TBC1D30: variants seen among roughly 807,000 people sequenced by gnomAD.
The protein encoded by TBC1D30 is TBC1 domain family, member 30.
A neutral mutation model predicts 63.2 loss-of-function variants in TBC1D30; 31 were observed. The ratio of observed to expected loss-of-function variants is 0.49; its 90% confidence interval spans 0.37 to 0.66. The LOEUF is 0.66. Among genes scored for constraint, TBC1D30 ranks in the 30% least tolerant of loss-of-function variants. The pLI, the probability that TBC1D30 is intolerant of heterozygous loss-of-function variation, is 0.00. For missense variants in TBC1D30, 810 were observed against 953.6 expected (o/e 0.85, Z 1.98); for synonymous variants, 307 against 361.5 (o/e 0.85, Z 1.71).
intron 6 of TBC1D30, among the ~76,000 whole-genome samples, chr12:64,837,211 C>T (rs1279092044): frequency 6.6e-6 from 1 of 152,084 alleles, no homozygotes; most frequent in East Asian, 1.9e-4. Context: ...CCAGTGGTCC[C>T]CAACCTTTTT....
intron 2 of TBC1D30, among the ~76,000 whole-genome samples, chr12:64,802,444 T>G (rs1032799279): frequency 1.3e-5 from 2 of 152,138 alleles, no homozygotes; most frequent in African/African-American, 4.8e-5. Context: ...CTGGGACGAC[T>G]CTTCCTGCCC....
At chr12:64,866,742 T>G (rs1420859658) in intron 9 of TBC1D30, 22 bp from the exon 10 acceptor site, 1 of 1,531,202 alleles carries the variant, frequency 6.5e-7, no homozygotes, top group African/African-American at 1.4e-5. Context: ...ATATTTCTTT[T>G]TTGTCTTTTA....
intron 1 of TBC1D30, among the ~76,000 whole-genome samples, chr12:64,774,011 A>AT (rs759359335): frequency 1.8e-4 from 27 of 152,222 alleles, no homozygotes; most frequent in South Asian, 4.1e-4. Context: ...TTAAAGGAGG[A>AT]TATTGTAACC....
chr12:64,865,231 T>G (rs1296400100), intron 9 of TBC1D30, among the ~76,000 whole-genome samples: 1 of 146,842 alleles, frequency 6.8e-6, no homozygotes, highest in Admixed American at 6.9e-5. Context: ...GGAAAGAAAA[T>G]GAGAGTCAGA....
chr12:64,836,502 C>G lies in TBC1D30; in HGVS notation c.607C>G (p.Leu203Val), dbSNP rs151045605. ...TTTTTTTCTTTAGATTATGATTTAC[C>G]TTATTGATAAGGTACTTCCCGAAAG... ...EGDALKIMIY[L>V]IDKVLPESYF... is the part of the protein sequence containing the mutation. The change falls in exon 6 of 12, where the codon CTT becomes GTT. Residue 203 changes from leucine to valine, a missense_variant. By Grantham distance (32) the Leu-to-Val change is conservative (BLOSUM62 1). Around this residue, in one of 4 missense-constraint regions of TBC1D30, gnomAD observed 272 missense variants for 335.9 expected, o/e 0.81. Coordinates refer to ENST00000539867, the MANE Select transcript of TBC1D30 (RefSeq NM_015279.2). 51 of 1,535,008 alleles carry G rather than the reference C, an allele frequency of 3.3e-5. No homozygotes were observed. The highest frequency in any genetic ancestry group is 4.3e-5 in the Non-Finnish European group (49 of 1,146,298).
upstream of TBC1D30, chr12:64,779,388 T>C (rs1375975153): frequency 2.0e-5 from 3 of 152,138 alleles, no homozygotes; most frequent in Non-Finnish European, 4.4e-5. Flanking sequence ...ATGGTAACAA[T>C]AGTCATTAAT....
intron 8 of TBC1D30, 21 bp downstream of exon 8, chr12:64,843,506 A>G: frequency 6.5e-7 from 1 of 1,531,098 alleles, no homozygotes. Context: ...AACATGGAGC[A>G]GCTTGGCTCG....
At chr12:64,787,370 C>T in intron 2 of TBC1D30, 6 of 985,390 alleles carry the variant, frequency 6.1e-6, no homozygotes, top group Non-Finnish European at 7.2e-6. Context: ...CATGGCAGAA[C>T]AGTATGCTCA....
chr12:64,774,270 G>A (rs879437622), intron 1 of TBC1D30, among the ~76,000 whole-genome samples: 7 of 152,154 alleles, frequency 4.6e-5, no homozygotes, highest in African/African-American at 9.7e-5. Flanking sequence ...TGAACAAAAC[G>A]TCTGAGAAAT....
chr12:64,809,739 T>C (rs1460000540), intron 2 of TBC1D30, among the ~76,000 whole-genome samples: 1 of 152,236 alleles, frequency 6.6e-6, no homozygotes, highest in Non-Finnish European at 1.5e-5. Flanking sequence ...AGCTTCCCTC[T>C]GCATCTGTGA....
chr12:64,796,696 ATTT>A (rs1872294888), intron 2 of TBC1D30, among the ~76,000 whole-genome samples: 1 of 152,142 alleles, frequency 6.6e-6, no homozygotes, highest in Non-Finnish European at 1.5e-5. Flanking sequence ...ACATTAAACC[ATTT>A]TTTAGAGACT....
chr12:64,763,646 G>A (rs1241126929), intron 1 of TBC1D30, among the ~76,000 whole-genome samples: 3 of 135,634 alleles, frequency 2.2e-5, no homozygotes, highest in Non-Finnish European at 3.1e-5. Context: ...GTCTTGCTCT[G>A]TCACCAGGCT....
chr12:64,788,224 T>TGA (rs1871714438), intron 2 of TBC1D30, among the ~76,000 whole-genome samples: 1 of 150,522 alleles, frequency 6.6e-6, no homozygotes, highest in Admixed American at 6.6e-5. Context: ...TGTGTGTGTG[T>TGA]GATTTGTGTG....
At chr12:64,828,138 C>A (rs1239083949) in intron 2 of TBC1D30, among the ~76,000 whole-genome samples, 3 of 152,118 alleles carry the variant, frequency 2.0e-5, no homozygotes, top group Non-Finnish European at 4.4e-5. Context: ...AAATTTCACA[C>A]CTGTACCATA....
rs1030000275 is a variant in TBC1D30 at position 64,878,691 on chromosome 12, C to T, written c.*2903C>T. 4.3e-5 allele frequency: 16 copies of T among 373,276 alleles called. 1 individual carries two copies. The highest frequency in any genetic ancestry group is 3.0e-4 in the South Asian group (15 of 49,598). 23.1% of individuals were successfully genotyped at this position (373,276 alleles called of 1,614,324 possible). On this transcript the variant is annotated 3_prime_UTR_variant, in exon 12 of 12. Coordinates refer to ENST00000539867, the MANE Select transcript of TBC1D30 (RefSeq NM_015279.2). The stretch of plus-strand genomic sequence containing the variant: ...ACACTGTTGTGACAGTCCCTTCTCC[C>T]TTCTTCCTTCTTCCTTCACCCCCAA...
chr12:64,819,377 C>T (rs774854377), intron 2 of TBC1D30, among the ~76,000 whole-genome samples: 3 of 141,306 alleles, frequency 2.1e-5, no homozygotes, highest in Non-Finnish European at 4.6e-5. Flanking sequence ...TCTGTGGACT[C>T]TGTCTTGGAT....
chr12:64,783,277 C>T (rs190360954), intron 1 of TBC1D30, among the ~76,000 whole-genome samples: 151 of 152,250 alleles, frequency 9.9e-4, no homozygotes, highest in South Asian at 8.3e-3. Flanking sequence ...AGTCAGACTC[C>T]TGGGTTGATA....
chr12:64,836,329 G>A (rs1875347579), intron 5 of TBC1D30, among the ~76,000 whole-genome samples, 161 bp from the exon 6 acceptor site: 1 of 152,190 alleles, frequency 6.6e-6, no homozygotes, highest in South Asian at 2.1e-4. Context: ...CCAGGCTGTA[G>A]GAGAGCCTTG....
At chr12:64,763,570 T>C (rs565771005) in intron 1 of TBC1D30, among the ~76,000 whole-genome samples, 15 of 152,074 alleles carry the variant, frequency 9.9e-5, no homozygotes, top group Non-Finnish European at 2.1e-4. Context: ...TCTCTTTACT[T>C]TCTCATTCAT....
Sources: gnomAD v4.1 joint callset for allele counts (sites outside exome capture counted in the v4.1 genomes callset) on GRCh38, gnomAD v4.1.1 for gene constraint, gnomAD v4.1.1 regional missense constraint, MANE v1.5 for transcripts, NCBI Gene and HGNC (gene_info 2026-07-23, HGNC 2026-07-21) for gene names.